EEF1E1: variants seen among roughly 807,000 people sequenced by gnomAD.
EEF1E1 encodes the protein eukaryotic translation elongation factor 1 epsilon-1.
A neutral mutation model predicts 19.9 loss-of-function variants in EEF1E1; 19 were observed. The ratio of observed to expected loss-of-function variants is 0.95; its 90% CI spans 0.66 to 1.40. The LOEUF (loss-of-function observed/expected upper bound fraction) is 1.40, where lower values mean the gene tolerates loss of function less well. Among genes scored for constraint, EEF1E1 ranks in the 40% most tolerant of loss-of-function variants. The pLI, the probability that EEF1E1 is intolerant of heterozygous loss-of-function variation, is 0.00. For missense variants in EEF1E1, 198 were observed against 202.2 expected (o/e 0.98, Z 0.13); for synonymous variants, 81 against 80.0 (o/e 1.01, Z -0.07).
intron 2 of EEF1E1, among the ~76,000 whole-genome samples, chr6:8,091,651 T>C (rs918374621): frequency 6.6e-6 from 1 of 152,314 alleles, no homozygotes; most frequent in Middle Eastern, 3.4e-3. Context: ...AAATTAACAC[T>C]TAATTTAGCA....
intron 2 of EEF1E1, among the ~76,000 whole-genome samples, chr6:8,091,768 T>C (rs1254943988): frequency 6.6e-6 from 1 of 152,184 alleles, no homozygotes; most frequent in Non-Finnish European, 1.5e-5. Context: ...TATTAAATAT[T>C]CTTTGAGGCT....
At chr6:8,097,624 AAC>A (rs1758210730) in intron 1 of EEF1E1, among the ~76,000 whole-genome samples, 157 bp from the exon 2 acceptor site, 1 of 152,252 alleles carries the variant, frequency 6.6e-6, no homozygotes, top group Admixed American at 6.5e-5. Flanking sequence ...TCTAGAAAAT[AAC>A]AGTTAAATAA....
At chr6:8,086,441 CT>C (rs1296946230) in intron 3 of EEF1E1, among the ~76,000 whole-genome samples, 1 of 151,308 alleles carries the variant, frequency 6.6e-6, no homozygotes, top group East Asian at 1.9e-4. Flanking sequence ...GAGAAAACGA[CT>C]TTGTTTTTCC....
chr6:8,089,665 G>A (rs529465555), intron 3 of EEF1E1, among the ~76,000 whole-genome samples: 3 of 152,298 alleles, frequency 2.0e-5, no homozygotes, highest in East Asian at 1.9e-4. Context: ...TGGCAACACC[G>A]TCACAGACAC....
At chr6:8,099,791 C>CACACACACAAAAAA (rs768224090) in intron 1 of EEF1E1, among the ~76,000 whole-genome samples, 8 of 114,620 alleles carry the variant, frequency 7.0e-5, no homozygotes, top group African/African-American at 2.7e-4. Flanking sequence ...CACACACACA[C>CACACACACAAAAAA]AAAAAAAAAA....
downstream of EEF1E1, among the ~76,000 whole-genome samples, chr6:8,077,719 C>CA (rs1254888874): frequency 6.6e-6 from 1 of 152,230 alleles, no homozygotes; most frequent in Non-Finnish European, 1.5e-5. Flanking sequence ...CCAGACCACT[C>CA]AAACTTTCTC....
chr6:8,096,699 T>C (rs1226922836), intron 2 of EEF1E1, among the ~76,000 whole-genome samples: 2 of 152,132 alleles, frequency 1.3e-5, no homozygotes, highest in Non-Finnish European at 2.9e-5. Context: ...AATAACTTCA[T>C]TTGGAATTTT....
rs749678904 is a variant in EEF1E1, at chr6:8,102,399, C to T, written c.87+36G>A. On this transcript the variant is annotated intron_variant, in intron 1 of 3. Transcript: ENST00000379715. The stretch of plus-strand genomic sequence containing the variant: ...AGGGCTCGGCAGGCCCCGCTCCCGT[C>T]CACCTCTTCCCCTCCGCGCCGCCTC... 8 of 1,595,064 alleles carry T rather than the reference C, an allele frequency of 5.0e-6. No homozygotes were observed. In the African/African-American group the frequency reaches 6.8e-5, roughly 13 times the overall value.
intron 1 of EEF1E1, 76 bp downstream of exon 1, chr6:8,102,359 G>T: frequency 7.0e-7 from 1 of 1,437,148 alleles, no homozygotes; most frequent in South Asian, 1.2e-5. Context: ...TCTGGTGGCC[G>T]GCCCGGGTCC....
At chr6:8,084,825 GT>G (rs1473125459) in intron 3 of EEF1E1, among the ~76,000 whole-genome samples, 1 of 152,186 alleles carries the variant, frequency 6.6e-6, no homozygotes, top group Non-Finnish European at 1.5e-5. Context: ...CTAAAATGAA[GT>G]ACAGACTCCC....
Position 8,097,304 on chromosome 6 carries a change from C to G in EEF1E1, c.251G>C (p.Gly84Ala). The change falls in exon 2 of 4, where the codon GGG (glycine) becomes GCG (alanine). Residue 84 changes from glycine (G) to alanine (A), a missense_variant. Coordinates refer to ENST00000379715, the MANE Select transcript of EEF1E1 (RefSeq NM_004280.5). ...GTGGATGTCATTTTTACTGGAGTGC[C>G]CATCTACTTGAGTGACCCTGTATTC... is the stretch of plus-strand genomic sequence containing the variant. ...WLEYRVTQVD[G>A]HSSKNDIHTL... The G allele has an allele frequency of 1.2e-6, 2 of 1,614,114 alleles. No individual in the cohort carries two copies. The highest frequency in any genetic ancestry group is 1.7e-6 in the Non-Finnish European group (2 of 1,180,032).
At chr6:8,089,333 T>G (rs897713068) in intron 3 of EEF1E1, among the ~76,000 whole-genome samples, 1 of 151,998 alleles carries the variant, frequency 6.6e-6, no homozygotes, top group Non-Finnish European at 1.5e-5. Flanking sequence ...GGGACAGAAT[T>G]AATGGAATAC....
downstream of EEF1E1, among the ~76,000 whole-genome samples, chr6:8,076,596 T>C (rs113151702): frequency 1.8e-3 from 275 of 152,278 alleles, 3 homozygotes; most frequent in African/African-American, 6.4e-3. Flanking sequence ...GTGCTGGGAT[T>C]ACAGGCATGA....
At chr6:8,081,778 T>C (rs1486847737) in intron 3 of EEF1E1, among the ~76,000 whole-genome samples, 1 of 152,238 alleles carries the variant, frequency 6.6e-6, no homozygotes, top group African/African-American at 2.4e-5. Context: ...TCGACAAATC[T>C]CTTTGCTGAT....
At chr6:8,101,511 T>C (rs1372587152) in intron 1 of EEF1E1, among the ~76,000 whole-genome samples, 1 of 151,564 alleles carries the variant, frequency 6.6e-6, no homozygotes, top group Non-Finnish European at 1.5e-5. Flanking sequence ...TTAACCTTTC[T>C]AGGCTTCAGG....
intron 3 of EEF1E1, among the ~76,000 whole-genome samples, chr6:8,086,411 T>C (rs571428861): frequency 6.6e-5 from 10 of 152,176 alleles, no homozygotes; most frequent in Admixed American, 3.9e-4. Flanking sequence ...AAACCAACTA[T>C]GTAGGAGGCT....
At chr6:8,101,243 A>AAAAAATATAT (rs1271033598) in intron 1 of EEF1E1, among the ~76,000 whole-genome samples, 4 of 58,474 alleles carry the variant, frequency 6.8e-5, no homozygotes, top group Non-Finnish European at 8.7e-5. Flanking sequence ...AAAAAAAAAA[A>AAAAAATATAT]ATATATATAT....
chr6:8,101,361 T>C (rs1758359413), intron 1 of EEF1E1, among the ~76,000 whole-genome samples: 1 of 143,714 alleles, frequency 7.0e-6, no homozygotes. Context: ...ATATATATTA[T>C]ATAATATATA....
intron 2 of EEF1E1, among the ~76,000 whole-genome samples, chr6:8,096,721 G>C (rs947991030): frequency 2.6e-5 from 4 of 151,342 alleles, no homozygotes; most frequent in Admixed American, 2.6e-4. Context: ...TTTTATTCTT[G>C]GTAACTCTGA....
Sources: gnomAD v4.1 joint callset for allele counts (sites outside exome capture counted in the v4.1 genomes callset) on GRCh38, gnomAD v4.1.1 for gene constraint, MANE v1.5 for transcripts, NCBI Gene and HGNC (gene_info 2026-07-23, HGNC 2026-07-21) for gene names.